Variants in PRIMPOL observed in about 807,000 individuals in gnomAD.
PRIMPOL encodes DNA-directed primase/polymerase protein.
PRIMPOL carries 54 observed loss-of-function variants against 63.6 expected under a neutral mutation model. The ratio of observed to expected loss-of-function variants is 0.85; its 90% CI spans 0.68 to 1.07. The LOEUF is 1.07. Among genes scored for constraint, PRIMPOL ranks in the 50% least tolerant of loss-of-function variants. The pLI, the probability that PRIMPOL is intolerant of heterozygous loss-of-function variation, is 0.00. For synonymous variants in PRIMPOL, 197 were observed against 220.2 expected (o/e 0.89, Z 0.93); for missense variants, 610 against 648.3 (o/e 0.94, Z 0.64).
chr4:184,661,897 C>G lies in PRIMPOL; in HGVS notation c.402C>G (p.Leu134=). ...ATGGGAAAAAGATGGTTGCATTACT[C>G]ATTGAGGTAAATGGCCAACTCAAGT... ...GADGKKMVAL[L]IEYVCKALQE... The change falls in exon 5 of 14, where the codon CTC becomes CTG. Residue 134 remains leucine (L), a synonymous_variant. Transcript: ENST00000314970. 1.2e-6 allele frequency: 2 copies of G among 1,610,090 alleles called. No homozygotes were observed. Among genetic ancestry groups the G allele is most frequent in the Non-Finnish European group, 1.7e-6 (2 of 1,178,338 alleles).
chr4:184,650,102 G>A (rs79773844), intron 1 of PRIMPOL, among the ~76,000 whole-genome samples, 194 bp downstream of exon 1: 1,812 of 152,356 alleles, frequency 0.012, 38 homozygotes, highest in African/African-American at 0.041. Context: ...CACGAGCTGC[G>A]TGGAGTTCCC....
chr4:184,673,882 T>C (rs1752593367), intron 7 of PRIMPOL, among the ~76,000 whole-genome samples: 1 of 152,214 alleles, frequency 6.6e-6, no homozygotes, highest in African/African-American at 2.4e-5. Context: ...TTCTAGCACC[T>C]CTGGCAATCA....
intron 6 of PRIMPOL, among the ~76,000 whole-genome samples, chr4:184,667,921 G>A (rs572090651): frequency 9.2e-5 from 14 of 152,098 alleles, no homozygotes; most frequent in Admixed American, 1.3e-4. Flanking sequence ...TGCATGAGCC[G>A]TGTGGTTTGT....
chr4:184,658,129 A>T (rs548867993), intron 3 of PRIMPOL, among the ~76,000 whole-genome samples: 2 of 151,838 alleles, frequency 1.3e-5, no homozygotes, highest in Non-Finnish European at 2.9e-5. Flanking sequence ...AAACGATAAG[A>T]TGCTTATATG....
In PRIMPOL at chr4:184,654,910, T is replaced by TA. The variant is rs201014734; in HGVS notation, c.-59-2171dup. Among the ~76,000 whole-genome samples, 1,247 of 152,338 alleles carry TA rather than the reference T, an allele frequency of 8.2e-3. 18 individuals are homozygous for TA. The highest frequency in any genetic ancestry group is 0.028 in the African/African-American group (1,182 of 41,572). ...TGGATTAGGTATAACTCTGAGAGAA[T>TA]ATCTTTCTTAGGTCTGTTACGATTG... On this transcript the variant is annotated intron_variant, in intron 2 of 13. Coordinates refer to ENST00000314970, the MANE Select transcript of PRIMPOL (RefSeq NM_152683.4).
intron 7 of PRIMPOL, among the ~76,000 whole-genome samples, chr4:184,672,962 C>T (rs1260655737): frequency 1.3e-5 from 2 of 152,036 alleles, no homozygotes; most frequent in East Asian, 3.9e-4. Context: ...GCCCTGGTCT[C>T]AGAGCCTGAG....
intron 6 of PRIMPOL, 69 bp downstream of exon 6, chr4:184,666,133 A>AT: frequency 7.9e-7 from 1 of 1,262,578 alleles, no homozygotes; most frequent in Admixed American, 2.5e-5. Flanking sequence ...TCCTCTTAAA[A>AT]TTTTGTGTGT....
At chr4:184,654,453 G>GTTTTTTTTTTTTTTTTT (rs1553985960) in intron 2 of PRIMPOL, among the ~76,000 whole-genome samples, 1 of 33,556 alleles carries the variant, frequency 3.0e-5, no homozygotes, top group Non-Finnish European at 5.7e-5. Context: ...AGTTAAAGCA[G>GTTTTTTTTTTTTTTTTT]TTTTTTTTTT....
chr4:184,675,263 C>G (rs944515165), intron 7 of PRIMPOL, among the ~76,000 whole-genome samples: 25 of 152,204 alleles, frequency 1.6e-4, no homozygotes, highest in Admixed American at 4.6e-4. Context: ...TAGATTTTTC[C>G]CAACTGCAAA....
intron 13 of PRIMPOL, among the ~76,000 whole-genome samples, chr4:184,692,471 C>CAAAAAAAAAAAA (rs60321808): frequency 5.4e-5 from 4 of 73,804 alleles, no homozygotes; most frequent in Admixed American, 3.8e-4. Flanking sequence ...GACTCTGCCT[C>CAAAAAAAAAAAA]AAAAAAAAAA....
chr4:184,684,019 T>A (rs1202917494), intron 9 of PRIMPOL, among the ~76,000 whole-genome samples: 2 of 152,222 alleles, frequency 1.3e-5, no homozygotes, highest in Non-Finnish European at 2.9e-5. Context: ...TCTTGTCTTA[T>A]ATGTATTTAT....
At chr4:184,664,708 G>A (rs1749346284) in intron 5 of PRIMPOL, among the ~76,000 whole-genome samples, 1 of 152,202 alleles carries the variant, frequency 6.6e-6, no homozygotes. Context: ...CCTGGGAAAT[G>A]TAGTCTTTGT....
Position 184,678,259 on chromosome 4 carries a change from G to A in PRIMPOL, c.872G>A (p.Arg291Gln), listed in dbSNP as rs144996773. 184 of 1,586,366 alleles carry A rather than the reference G, an allele frequency of 1.2e-4. No homozygotes were observed. Among genetic ancestry groups the A allele is most frequent in the Middle Eastern group, 1.7e-4 (1 of 5,960 alleles). The change falls in exon 8 of 14, where the codon CGG (arginine) becomes CAG (glutamine). Residue 291 changes from arginine (R) to glutamine (Q), a missense_variant. This residue lies in a region of PRIMPOL where 444 missense variants were observed against 456.4 expected (regional missense o/e 0.97). Transcript: ENST00000314970. ...GTTTATACAAGAAATAGAAACTTTC[G>A]GCTATATAAATCATCAAAAATTGGA... ...LGVYTRNRNF[R>Q]LYKSSKIGKR...
At chr4:184,670,450 C>T (rs970282677) in intron 6 of PRIMPOL, among the ~76,000 whole-genome samples, 1 of 152,084 alleles carries the variant, frequency 6.6e-6, no homozygotes, top group African/African-American at 2.4e-5. Context: ...CCATCCTGTA[C>T]CAGCATATCA....
intron 1 of PRIMPOL, among the ~76,000 whole-genome samples, chr4:184,650,279 G>T (rs1743852977): frequency 6.6e-6 from 1 of 152,250 alleles, no homozygotes; most frequent in African/African-American, 2.4e-5. Flanking sequence ...AAGAGATGGG[G>T]CAAAGAGATT....
chr4:184,672,219 C>T lies in PRIMPOL; in HGVS notation c.603C>T (p.Gly201=). 6.2e-7 allele frequency: 1 copy of T among 1,613,300 alleles called. No individual in the cohort carries two copies. The highest frequency in any genetic ancestry group is 8.5e-7 in the Non-Finnish European group (1 of 1,179,866). The part of the protein sequence containing the change: ...KILQPALDLL[G]SEDDDSAPET... ...TGCAGCCTGCTCTTGACTTGCTTGG[C>T]AGTGAAGATGATGATAGCGCTCCAG... Residue 201 remains glycine, a synonymous_variant, in exon 7 of 14, where the codon GGC becomes GGT. Transcript: ENST00000314970.
intron 7 of PRIMPOL, among the ~76,000 whole-genome samples, chr4:184,673,901 A>G (rs1279795306): frequency 6.6e-6 from 1 of 152,206 alleles, no homozygotes; most frequent in East Asian, 1.9e-4. Context: ...CAAGCACCAG[A>G]ACTTGGAAAG....
chr4:184,693,377 G>A (rs1331710121), intron 13 of PRIMPOL, among the ~76,000 whole-genome samples: 1 of 151,984 alleles, frequency 6.6e-6, no homozygotes, highest in Non-Finnish European at 1.5e-5. Context: ...TACTTTTTCC[G>A]CTTATCTAGT....
In PRIMPOL at chr4:184,680,290, C is replaced by T. The variant is rs891543004; in HGVS notation, c.1007+1896C>T. ...GCAACCTCTGCCTCACAGGTTCAAG[C>T]GATTCTCCTGCCTCAGCCTCCCAAG... On this transcript the variant is annotated intron_variant, in intron 8 of 13. Coordinates refer to ENST00000314970, the MANE Select transcript of PRIMPOL (RefSeq NM_152683.4). Among the ~76,000 whole-genome samples the T allele has an allele frequency of 7.9e-5, 12 of 152,086 alleles. No individual in the cohort carries two copies. In the South Asian group the frequency reaches 1.5e-3, roughly 18 times the overall value.
Sources: allele counts gnomAD v4.1 joint callset (sites outside exome capture counted in the v4.1 genomes callset), GRCh38; gene constraint gnomAD v4.1.1; regional missense constraint gnomAD v4.1.1; transcripts MANE v1.5; gene names NCBI Gene and HGNC (gene_info 2026-07-23, HGNC 2026-07-21).